The following KDM4C variants were observed in gnomAD, a reference collection of about 807,000 sequenced individuals.
KDM4C encodes the protein lysine demethylase 4C, also known as lysine-specific demethylase 4C.
In KDM4C, 81 loss-of-function variants were observed where a neutral mutation model predicts 129.3. The observed-to-expected ratio is 0.63, with a 90% CI of 0.52 to 0.75. The LOEUF is 0.75. Among genes scored for constraint, KDM4C ranks in the 30% least tolerant of loss-of-function variants. The pLI, the probability that KDM4C is intolerant of heterozygous loss-of-function variation, is 0.00. For missense variants in KDM4C, 1,457 were observed against 1,304.0 expected, an observed-to-expected ratio of 1.12 and a Z score of -1.81; for synonymous variants, 573 against 456.1, an observed-to-expected ratio of 1.26 and a Z score of -3.26.
intron 17 of KDM4C, among the ~76,000 whole-genome samples, chr9:7,068,753 A>G (rs960070155): frequency 3.7e-5 from 5 of 134,354 alleles, no homozygotes; most frequent in Non-Finnish European, 7.6e-5. Flanking sequence ...CTGGAGTGCA[A>G]TGGTGCAATC....
chr9:6,931,747 C>G (rs1238704702), intron 8 of KDM4C, among the ~76,000 whole-genome samples: 15 of 152,166 alleles, frequency 9.9e-5, no homozygotes, highest in Admixed American at 9.8e-4. Context: ...GTGATCCACC[C>G]GCCTTAGTCT....
chr9:6,741,952 A>G (rs1817713457), intron 1 of KDM4C, among the ~76,000 whole-genome samples: 1 of 151,668 alleles, frequency 6.6e-6, no homozygotes, highest in Admixed American at 6.6e-5. Context: ...CTCAAAAACA[A>G]TAATAAAATG....
intron 17 of KDM4C, among the ~76,000 whole-genome samples, chr9:7,052,799 T>A (rs965346053): frequency 6.7e-6 from 1 of 148,980 alleles, no homozygotes; most frequent in Non-Finnish European, 1.5e-5. Flanking sequence ...CACCAGTTTC[T>A]TATGTTGCTC....
intron 8 of KDM4C, among the ~76,000 whole-genome samples, chr9:6,938,142 T>C (rs1388004108): frequency 6.6e-6 from 1 of 152,186 alleles, no homozygotes; most frequent in Admixed American, 6.5e-5. Flanking sequence ...CCAGATCACC[T>C]GCACTGCCCT....
chr9:6,889,849 A>T (rs1845870757), intron 7 of KDM4C, among the ~76,000 whole-genome samples: 1 of 152,176 alleles, frequency 6.6e-6, no homozygotes, highest in Admixed American at 6.5e-5. Context: ...TTTCCCCAGG[A>T]GGGAGGCCTC....
intron 2 of KDM4C, among the ~76,000 whole-genome samples, chr9:6,796,194 C>T (rs755438292): frequency 2.6e-5 from 4 of 152,172 alleles, no homozygotes; most frequent in Non-Finnish European, 5.9e-5. Flanking sequence ...CCTGCAATCC[C>T]AGCACTCTGG....
At chr9:7,159,671 C>T (rs757038273) in intron 19 of KDM4C, among the ~76,000 whole-genome samples, 7 of 152,208 alleles carry the variant, frequency 4.6e-5, no homozygotes, top group African/African-American at 1.7e-4. Flanking sequence ...CCACTTTCTT[C>T]TGGCTTGTAG....
chr9:7,133,883 A>G (rs1366865248), intron 19 of KDM4C, among the ~76,000 whole-genome samples: 1 of 152,174 alleles, frequency 6.6e-6, no homozygotes, highest in Admixed American at 6.5e-5. Context: ...ATCCCGGGAA[A>G]CATTGTTGGA....
intron 19 of KDM4C, among the ~76,000 whole-genome samples, chr9:7,161,321 C>G (rs7038401): frequency 6.6e-6 from 1 of 152,100 alleles, no homozygotes; most frequent in African/African-American, 2.4e-5. Flanking sequence ...TTCAGCTTGC[C>G]CTCTGTGGGC....
At chr9:6,768,730 A>G (rs1317150093) in intron 1 of KDM4C, among the ~76,000 whole-genome samples, 1 of 150,462 alleles carries the variant, frequency 6.6e-6, no homozygotes, top group Non-Finnish European at 1.5e-5. Flanking sequence ...TTTTTCCTTG[A>G]TCTTCATGGT....
intron 17 of KDM4C, among the ~76,000 whole-genome samples, chr9:7,064,952 G>A (rs1832218415): frequency 6.6e-6 from 1 of 152,158 alleles, no homozygotes; most frequent in Non-Finnish European, 1.5e-5. Flanking sequence ...GAAGTCTCTT[G>A]TATATTCTCT....
intron 1 of KDM4C, among the ~76,000 whole-genome samples, chr9:6,773,156 C>T (rs1397806551): frequency 4.0e-5 from 6 of 151,708 alleles, no homozygotes; most frequent in African/African-American, 1.5e-4. Flanking sequence ...CACACTACTA[C>T]ACCTGGCTAA....
chr9:7,116,668 AC>A (rs1838930704), intron 18 of KDM4C, among the ~76,000 whole-genome samples: 3 of 152,226 alleles, frequency 2.0e-5, no homozygotes, highest in Admixed American at 2.0e-4. Flanking sequence ...CTTTTGAGTA[AC>A]ATTGGCGAGG....
At chr9:6,814,811 G>A (rs1831780755) in intron 4 of KDM4C, 66 bp downstream of exon 4, 2 of 1,061,074 alleles carry the variant, frequency 1.9e-6, no homozygotes, top group Admixed American at 1.9e-5. Context: ...TACCATTTAA[G>A]CAGTTTAGAA....
chr9:6,757,534 C>T (rs946002179), upstream of KDM4C: 2 of 723,626 alleles, frequency 2.8e-6, no homozygotes, highest in South Asian at 6.2e-5. Context: ...GAACACAGCG[C>T]TGTCATCGCC....
intron 6 of KDM4C, among the ~76,000 whole-genome samples, chr9:6,885,619 A>G (rs1267521475): frequency 1.1e-5 from 1 of 89,274 alleles, no homozygotes; most frequent in Non-Finnish European, 2.3e-5. Flanking sequence ...CTTAAAAAAG[A>G]CAAAAAAAAA....
intron 8 of KDM4C, among the ~76,000 whole-genome samples, chr9:6,908,758 G>C (rs1818771993): frequency 1.3e-5 from 2 of 152,124 alleles, no homozygotes; most frequent in Admixed American, 6.5e-5. Flanking sequence ...TAGTCTGCCT[G>C]GGTTTGAATC....
chr9:6,991,383 G>C (rs536655762), intron 12 of KDM4C, among the ~76,000 whole-genome samples: 1 of 152,034 alleles, frequency 6.6e-6, no homozygotes, highest in Admixed American at 6.5e-5. Flanking sequence ...TGCATGCCTG[G>C]TTACCCTTCT....
rs545749382 is a variant in KDM4C, at chr9:7,049,510, A to G, written c.2424+310A>G. Among the ~76,000 whole-genome samples, 4 of 152,224 alleles carry G rather than the reference A, an allele frequency of 2.6e-5. No homozygotes were observed. The South Asian group carries it at 8.3e-4, about 32-fold the overall frequency. ...GATTTGTCAGTACTGGAGCTGAGCC[A>G]TCTAACTCTATTTAAATTGTTTAGA... On this transcript the variant is annotated intron_variant, in intron 17 of 21. Transcript: ENST00000381309.
Sources: allele counts gnomAD v4.1 joint callset (sites outside exome capture counted in the v4.1 genomes callset), GRCh38; gene constraint gnomAD v4.1.1; transcripts MANE v1.5; gene names NCBI Gene and HGNC (gene_info 2026-07-23, HGNC 2026-07-21).